The following NTRK2 variants were observed in gnomAD, a reference collection of about 807,000 sequenced individuals.
NTRK2 encodes BDNF/NT-3 growth factors receptor.
Under a neutral mutation model 94.5 loss-of-function variants are expected in NTRK2, and 13 were observed. The observed-to-expected ratio is 0.14, with a 90% CI of 0.09 to 0.22. The LOEUF is 0.22. NTRK2 is among the 10% of genes least tolerant of loss of function. The pLI, the probability that NTRK2 is intolerant of heterozygous loss-of-function variation, is 1.00. For synonymous variants in NTRK2, 372 were observed against 407.4 expected (o/e 0.91, Z 1.05); for missense variants, 639 against 1,071.2 (o/e 0.60, Z 5.63).
chr9:84,689,694 C>T (rs1044820773), intron 2 of NTRK2, among the ~76,000 whole-genome samples: 17 of 152,122 alleles, frequency 1.1e-4, no homozygotes, highest in Admixed American at 5.2e-4. Context: ...AGTACATCCA[C>T]GTGTTGTGTA....
chr9:85,003,922 G>A (rs1229757647), intron 17 of NTRK2, among the ~76,000 whole-genome samples: 2 of 148,822 alleles, frequency 1.3e-5, no homozygotes, highest in African/African-American at 2.5e-5. Context: ...ATGACTTCTC[G>A]GGATTTATCT....
intron 17 of NTRK2, among the ~76,000 whole-genome samples, chr9:84,974,230 G>C (rs147535037): frequency 6.6e-6 from 1 of 152,150 alleles, no homozygotes; most frequent in Non-Finnish European, 1.5e-5. Context: ...TGAACCCCAC[G>C]CATATCTGCT....
chr9:84,942,506 C>T (rs1012231904), intron 15 of NTRK2, among the ~76,000 whole-genome samples: 1 of 152,118 alleles, frequency 6.6e-6, no homozygotes, highest in African/African-American at 2.4e-5. Context: ...GAGGTTGGCT[C>T]ACTAATAGCC....
intron 17 of NTRK2, among the ~76,000 whole-genome samples, chr9:85,007,071 T>C (rs992041221): frequency 5.3e-5 from 8 of 152,216 alleles, no homozygotes; most frequent in African/African-American, 1.9e-4. Flanking sequence ...GACTGTGCTG[T>C]CTCCCATGAA....
chr9:84,997,475 G>C (rs547217527), intron 17 of NTRK2, among the ~76,000 whole-genome samples: 1 of 152,272 alleles, frequency 6.6e-6, no homozygotes, highest in South Asian at 2.1e-4. Flanking sequence ...GGACTAGTAA[G>C]GTTACTGACA....
intron 12 of NTRK2, among the ~76,000 whole-genome samples, chr9:84,840,508 C>A (rs2074120482): frequency 1.3e-5 from 2 of 152,192 alleles, no homozygotes; most frequent in South Asian, 2.1e-4. Context: ...TGTGCACTGG[C>A]TGGACTCTGA....
intron 16 of NTRK2, among the ~76,000 whole-genome samples, chr9:84,949,356 A>G (rs1281612702): frequency 6.6e-6 from 1 of 152,224 alleles, no homozygotes; most frequent in Non-Finnish European, 1.5e-5. Flanking sequence ...CAAGGCAAGG[A>G]AGAGAAAATG....
rs76097746 is a variant in NTRK2 at position 84,691,666 on chromosome 9, C to A, written c.213-10493C>A. ...AGTATGAAGATGAGCTGCAGAGGTA[C>A]CAGCAGAGATGCAGGCTTCCTGGGG... On this transcript the variant is annotated intron_variant, in intron 2 of 18. Transcript: ENST00000277120. Among the ~76,000 whole-genome samples, 511 of 152,264 alleles carry A rather than the reference C, an allele frequency of 3.4e-3. 15 individuals carry two copies. In the East Asian group the frequency reaches 0.065, roughly 20 times the overall value.
At chr9:84,842,552 G>A (rs1390200205) in intron 12 of NTRK2, among the ~76,000 whole-genome samples, 5 of 151,996 alleles carry the variant, frequency 3.3e-5, no homozygotes, top group African/African-American at 4.8e-5. Flanking sequence ...GCCTCTCCTC[G>A]TTTTCCACCC....
chr9:84,798,692 A>C (rs1301817258), intron 12 of NTRK2, among the ~76,000 whole-genome samples: 3 of 152,138 alleles, frequency 2.0e-5, no homozygotes, highest in Non-Finnish European at 4.4e-5. Context: ...GACACAGATG[A>C]TTATTTTTAT....
chr9:84,857,759 G>C (rs1395174171), intron 12 of NTRK2, among the ~76,000 whole-genome samples: 1 of 152,124 alleles, frequency 6.6e-6, no homozygotes, highest in African/African-American at 2.4e-5. Flanking sequence ...GTGCCTATAA[G>C]ACAGGGCATT....
At chr9:84,812,184 A>G in intron 12 of NTRK2, 1 of 1,057,968 alleles carries the variant, frequency 9.5e-7, no homozygotes, top group African/African-American at 1.6e-5. Flanking sequence ...ATTAATCTTA[A>G]TAAACCAGGA....
rs2058586203 is a variant in NTRK2 at position 84,669,860 on chromosome 9, G to T, written c.-401G>T. ...TAGCAGGAGCCTGGACCCAGGCGCCGCCGGCGGGCGTGAGGCGCCGGAGCC... is the reference window on the plus strand; with the variant it reads ...TAGCAGGAGCCTGGACCCAGGCGCCTCCGGCGGGCGTGAGGCGCCGGAGCC... On this transcript the variant is annotated 5_prime_UTR_variant, in exon 1 of 19. Coordinates refer to ENST00000277120, the MANE Select transcript of NTRK2 (RefSeq NM_006180.6). The surrounding 1 kb of genome is among the most constrained non-coding windows in gnomAD (Gnocchi z 4.1). The T allele has an allele frequency of 6.6e-6, 1 of 152,476 alleles. No individual in the cohort carries two copies. 9.4% of individuals were successfully genotyped at this position (152,476 alleles called of 1,614,324 possible). A position where few individuals can be genotyped will look rare whatever the true frequency, so the allele number is the denominator to read the frequency against.
intron 14 of NTRK2, among the ~76,000 whole-genome samples, chr9:84,933,960 G>A (rs2078127566): frequency 6.6e-6 from 1 of 152,212 alleles, no homozygotes; most frequent in South Asian, 2.1e-4. Flanking sequence ...CAATAACTGA[G>A]TTCTGGAGAA....
At chr9:84,705,558 C>A (rs985660832) in intron 4 of NTRK2, among the ~76,000 whole-genome samples, 1 of 152,156 alleles carries the variant, frequency 6.6e-6, no homozygotes, top group African/African-American at 2.4e-5. Context: ...CTCTGCGGGG[C>A]GGCGGTTTTA....
intron 14 of NTRK2, among the ~76,000 whole-genome samples, chr9:84,888,452 T>A: frequency 6.7e-6 from 1 of 149,856 alleles, no homozygotes; most frequent in Non-Finnish European, 1.5e-5. Flanking sequence ...CTACTAAAAA[T>A]ACACAAAAAA....
intron 14 of NTRK2, among the ~76,000 whole-genome samples, chr9:84,884,446 C>G (rs2076353550): frequency 6.6e-6 from 1 of 152,048 alleles, no homozygotes; most frequent in Non-Finnish European, 1.5e-5. Context: ...AGAAGAGTGA[C>G]CTTCAACTTT....
chr9:84,860,265 A>G (rs1369157472), intron 12 of NTRK2, among the ~76,000 whole-genome samples: 1 of 152,198 alleles, frequency 6.6e-6, no homozygotes, highest in African/African-American at 2.4e-5. Context: ...ACCTAGGAGG[A>G]AAGAGCTGGG....
At chr9:84,917,398 G>A (rs1052901479) in intron 14 of NTRK2, among the ~76,000 whole-genome samples, 3 of 152,218 alleles carry the variant, frequency 2.0e-5, no homozygotes, top group African/African-American at 7.2e-5. Flanking sequence ...CACGTGTGCA[G>A]TGGAAGGAGC....
Sources: gnomAD v4.1 joint callset for allele counts (sites outside exome capture counted in the v4.1 genomes callset) on GRCh38, gnomAD v4.1.1 for gene constraint, Gnocchi (gnomAD v3.1) non-coding constraint, MANE v1.5 for transcripts, NCBI Gene and HGNC (gene_info 2026-07-23, HGNC 2026-07-21) for gene names.